The following LINGO2 variants were observed in gnomAD, a reference collection of about 807,000 sequenced individuals.
LINGO2 encodes leucine-rich repeat and immunoglobulin-like domain-containing nogo receptor-interacting protein 2.
In LINGO2, 14 loss-of-function variants were observed where a neutral mutation model predicts 30.6. The ratio of observed to expected loss-of-function variants is 0.46; its 90% CI spans 0.30 to 0.72. The LOEUF (loss-of-function observed/expected upper bound fraction) is 0.72. LINGO2 is among the 30% of genes least tolerant of loss of function. LINGO2 has a pLI of 0.07. For synonymous variants in LINGO2, 317 were observed against 288.5 expected (o/e 1.10, Z -1.00); for missense variants, 729 against 751.7 (o/e 0.97, Z 0.35).
At chr9:27,958,431 T>G (rs554543340) in intron 5 of LINGO2, among the ~76,000 whole-genome samples, 6 of 152,278 alleles carry the variant, frequency 3.9e-5, no homozygotes, top group Non-Finnish European at 8.8e-5. Context: ...TCTATATACT[T>G]TTAGTATCAG....
chr9:29,159,205 G>A, the LINGO2 span, among the ~76,000 whole-genome samples: 1 of 152,144 alleles, frequency 6.6e-6, no homozygotes, highest in Admixed American at 6.5e-5. Flanking sequence ...GGAATGGGCA[G>A]AACCAAAATA....
At chr9:28,479,013 G>A (rs1383109996) in intron 1 of LINGO2, among the ~76,000 whole-genome samples, 3 of 151,858 alleles carry the variant, frequency 2.0e-5, no homozygotes, top group Non-Finnish European at 2.9e-5. Context: ...AAATATGTGT[G>A]TTTATATACT....
chr9:29,095,229 A>G, the LINGO2 span, among the ~76,000 whole-genome samples: 2 of 138,960 alleles, frequency 1.4e-5, no homozygotes, highest in African/African-American at 5.4e-5. Flanking sequence ...AAAAGGAAAA[A>G]GAGGGTATTG....
chr9:29,076,301 T>G, the LINGO2 span, among the ~76,000 whole-genome samples: 1 of 152,014 alleles, frequency 6.6e-6, no homozygotes, highest in Non-Finnish European at 1.5e-5. Context: ...CTATATATAT[T>G]TGCATGGGAC....
At position 28,148,658 on chromosome 9, in the gene LINGO2, GC is replaced by G; in HGVS notation, c.-86-136254del. 6.5e-7 allele frequency: 1 copy of G among 1,532,622 alleles called. No individual in the cohort carries two copies. The highest frequency in any genetic ancestry group is 1.2e-5 in the South Asian group (1 of 83,932). 94.9% of individuals were successfully genotyped at this position (1,532,622 alleles called of 1,614,324 possible). ...GACAGAAAACAACCAGACTGACAAG[GC>G]CCAGGTGCCTGCAGTGAGTTTCTAC... On this transcript the variant is annotated intron_variant, in intron 4 of 5. Transcript: ENST00000379992. This position sits in a 1 kb window ranked among gnomAD's most constrained non-coding sequence, Gnocchi z 5.1.
chr9:27,994,114 A>T (rs1821535990), intron 5 of LINGO2, among the ~76,000 whole-genome samples: 1 of 152,068 alleles, frequency 6.6e-6, no homozygotes, highest in South Asian at 2.1e-4. Flanking sequence ...ATTAAAATGG[A>T]AACAACATAC....
intron 1 of LINGO2, among the ~76,000 whole-genome samples, chr9:28,567,150 T>TGAGGATGCA (rs1823424669): frequency 6.6e-6 from 1 of 152,080 alleles, no homozygotes; most frequent in African/African-American, 2.4e-5. Flanking sequence ...ATTATGTTGG[T>TGAGGATGCA]GAGGATGCAG....
chr9:28,458,804 A>G (rs528681724), intron 2 of LINGO2, among the ~76,000 whole-genome samples: 1 of 152,270 alleles, frequency 6.6e-6, no homozygotes. Context: ...TGCCCTGGCT[A>G]CAAATGTTAA....
At chr9:28,992,571 GCACCA>G in the LINGO2 span, among the ~76,000 whole-genome samples, 4 of 151,968 alleles carry the variant, frequency 2.6e-5, no homozygotes, top group Non-Finnish European at 5.9e-5. Context: ...ATTTTTTTCA[GCACCA>G]CACCACACCT....
At chr9:29,149,157 T>C in the LINGO2 span, among the ~76,000 whole-genome samples, 1 of 152,120 alleles carries the variant, frequency 6.6e-6, no homozygotes, top group Non-Finnish European at 1.5e-5. Flanking sequence ...GGAGTAACAA[T>C]ATCATAGTGA....
At chr9:28,997,893 T>A in the LINGO2 span, among the ~76,000 whole-genome samples, 69,354 of 152,012 alleles carry the variant, frequency 0.46, 16,509 homozygotes, top group Non-Finnish European at 0.53. Context: ...GTCCTTTTAT[T>A]TTTCAATTAT....
intron 3 of LINGO2, among the ~76,000 whole-genome samples, chr9:28,307,277 A>G (rs1824407173): frequency 2.0e-5 from 3 of 152,210 alleles, no homozygotes; most frequent in African/African-American, 7.2e-5. Context: ...GGTTCAATAT[A>G]TGTAAATCAA....
At chr9:28,042,582 AAGAAAGGTACAAATTCAAG>A (rs1824242017) in intron 4 of LINGO2, among the ~76,000 whole-genome samples, 1 of 152,174 alleles carries the variant, frequency 6.6e-6, no homozygotes, top group Non-Finnish European at 1.5e-5. Flanking sequence ...TAGGATATGA[AAGAAAGGTACAAATTCAAG>A]AGGATATTTT....
chr9:28,339,800 C>T (rs1187835607), intron 3 of LINGO2, among the ~76,000 whole-genome samples: 6 of 152,110 alleles, frequency 3.9e-5, no homozygotes, highest in Admixed American at 1.3e-4. Flanking sequence ...ATTAGAACTT[C>T]ATTCCTACAG....
At chr9:28,321,971 G>C (rs1564121734) in intron 3 of LINGO2, among the ~76,000 whole-genome samples, 1 of 152,088 alleles carries the variant, frequency 6.6e-6, no homozygotes, top group Non-Finnish European at 1.5e-5. Flanking sequence ...ATCCATCAAT[G>C]AGATCCATTT....
the LINGO2 span, among the ~76,000 whole-genome samples, chr9:28,827,491 T>C: frequency 1.3e-5 from 2 of 152,186 alleles, no homozygotes; most frequent in African/African-American, 2.4e-5. Flanking sequence ...TGGGTATAAT[T>C]GTATTTATTT....
chr9:28,370,593 G>T (rs546047533), intron 3 of LINGO2, among the ~76,000 whole-genome samples: 2 of 152,300 alleles, frequency 1.3e-5, no homozygotes, highest in South Asian at 4.1e-4. Flanking sequence ...CCTTCAGGGA[G>T]ATCATGATAT....
intron 1 of LINGO2, among the ~76,000 whole-genome samples, chr9:28,500,752 G>A (rs1352484484): frequency 1.3e-5 from 2 of 152,012 alleles, no homozygotes; most frequent in Admixed American, 1.3e-4. Context: ...ATCCCCAAAT[G>A]AGAAAAATAA....
At chr9:28,032,973 T>C (rs1300966807) in intron 4 of LINGO2, among the ~76,000 whole-genome samples, 1 of 152,106 alleles carries the variant, frequency 6.6e-6, no homozygotes, top group East Asian at 1.9e-4. Context: ...ATTCTTTCTC[T>C]GATAATTTAT....
Sources: gnomAD v4.1 joint callset for allele counts (sites outside exome capture counted in the v4.1 genomes callset) on GRCh38, gnomAD v4.1.1 for gene constraint, Gnocchi (gnomAD v3.1) non-coding constraint, MANE v1.5 for transcripts, NCBI Gene and HGNC (gene_info 2026-07-23, HGNC 2026-07-21) for gene names.